Variants in OPCML observed in about 807,000 individuals in gnomAD.
OPCML encodes opioid binding protein/cell adhesion molecule like, also known as opioid-binding protein/cell adhesion molecule.
OPCML carries 13 observed loss-of-function variants against 37.8 expected under a neutral mutation model. That is an observed-to-expected ratio of 0.34 (90% CI 0.22 to 0.55). The LOEUF (loss-of-function observed/expected upper bound fraction) is 0.55. Among genes scored for constraint, OPCML ranks in the 20% least tolerant of loss-of-function variants. The pLI is 0.91. For synonymous variants in OPCML, 176 were observed against 168.8 expected, an observed-to-expected ratio of 1.04 and a Z score of -0.33; for missense variants, 341 against 435.6, an observed-to-expected ratio of 0.78 and a Z score of 1.93.
chr11:132,908,956 C>T (rs933219500), intron 2 of OPCML, among the ~76,000 whole-genome samples: 1 of 152,212 alleles, frequency 6.6e-6, no homozygotes, highest in Non-Finnish European at 1.5e-5. Flanking sequence ...ACCAGAATCA[C>T]AGGTTCCTCA....
At chr11:132,640,511 G>A (rs189144317) in intron 3 of OPCML, among the ~76,000 whole-genome samples, 1 of 152,238 alleles carries the variant, frequency 6.6e-6, no homozygotes, top group African/African-American at 2.4e-5. Flanking sequence ...ACCAAATATT[G>A]TCATTTCTTT....
At chr11:133,124,715 T>TG (rs1949473666) in intron 1 of OPCML, among the ~76,000 whole-genome samples, 1 of 152,128 alleles carries the variant, frequency 6.6e-6, no homozygotes, top group East Asian at 1.9e-4. Flanking sequence ...CATGCACCCT[T>TG]GCAGAACCCA....
chr11:133,476,973 G>A (rs928904277), intron 1 of OPCML, among the ~76,000 whole-genome samples: 4 of 152,250 alleles, frequency 2.6e-5, no homozygotes, highest in African/African-American at 9.6e-5. Context: ...GGGGAGAGGC[G>A]GATAAGACTC....
chr11:133,127,658 A>C (rs1949537756), intron 1 of OPCML, among the ~76,000 whole-genome samples: 1 of 151,980 alleles, frequency 6.6e-6, no homozygotes, highest in Non-Finnish European at 1.5e-5. Context: ...TCATTTATCT[A>C]ATAAATATTT....
At chr11:132,649,928 TACACAC>T (rs61282644) in intron 3 of OPCML, among the ~76,000 whole-genome samples, 26 of 147,776 alleles carry the variant, frequency 1.8e-4, no homozygotes, top group Admixed American at 4.7e-4. Context: ...CACGCACTGT[TACACAC>T]ACACACACAC....
intron 1 of OPCML, among the ~76,000 whole-genome samples, chr11:133,326,241 A>C (rs1263336266): frequency 7.2e-6 from 1 of 139,522 alleles, no homozygotes; most frequent in Non-Finnish European, 1.5e-5. Flanking sequence ...GAAGATGAGG[A>C]GTGTGGGTGT....
At chr11:133,032,993 CTG>C (rs573380601) in intron 1 of OPCML, among the ~76,000 whole-genome samples, 28 of 152,088 alleles carry the variant, frequency 1.8e-4, no homozygotes, top group Non-Finnish European at 3.5e-4. Context: ...TATAATTAGT[CTG>C]TCTTTCTCCC....
intron 1 of OPCML, among the ~76,000 whole-genome samples, chr11:133,436,140 TA>T (rs201787859): frequency 4.6e-5 from 7 of 150,820 alleles, no homozygotes; most frequent in African/African-American, 1.5e-4. Flanking sequence ...TTCTCAAATT[TA>T]AAAAAAAATG....
Position 133,108,163 on chromosome 11 carries a change from T to C in OPCML, c.62-165153A>G, listed in dbSNP as rs1389436369. 2.0e-5 allele frequency among the ~76,000 whole-genome samples: 3 copies of C among 152,214 alleles called. No homozygotes were observed. The South Asian group carries it at 6.2e-4, about 31-fold the overall frequency. ...AAGCCTTGGAAAAGATTTTCTTTTT[T>C]AAATTTTAGAAACAAGGCTGGCTTA... On this transcript the variant is annotated intron_variant, in intron 1 of 7. Coordinates refer to ENST00000524381, the MANE Select transcript of OPCML (RefSeq NM_001012393.5).
chr11:133,114,781 A>T (rs1387810973), intron 1 of OPCML, among the ~76,000 whole-genome samples: 3 of 152,186 alleles, frequency 2.0e-5, no homozygotes, highest in African/African-American at 7.2e-5. Flanking sequence ...ATGAATTAAG[A>T]AGTAGGAGGA....
At chr11:133,112,057 A>G (rs932877535) in intron 1 of OPCML, among the ~76,000 whole-genome samples, 1 of 152,152 alleles carries the variant, frequency 6.6e-6, no homozygotes, top group Admixed American at 6.5e-5. Context: ...CTTAGAAAAT[A>G]TATTGCCAGG....
chr11:132,933,500 C>T (rs568154028), intron 2 of OPCML, among the ~76,000 whole-genome samples: 54 of 152,192 alleles, frequency 3.5e-4, no homozygotes, highest in African/African-American at 1.3e-3. Flanking sequence ...ATGCCAGGCC[C>T]TATGGTTGTA....
At chr11:132,454,459 C>T (rs2096076307) in intron 4 of OPCML, among the ~76,000 whole-genome samples, 2 of 152,210 alleles carry the variant, frequency 1.3e-5, no homozygotes, top group African/African-American at 4.8e-5. Context: ...AATATCTCAT[C>T]AGGAGGCACC....
intron 3 of OPCML, among the ~76,000 whole-genome samples, chr11:132,556,572 C>A (rs2096396147): frequency 6.6e-6 from 1 of 152,150 alleles, no homozygotes; most frequent in African/African-American, 2.4e-5. Context: ...TAGCTTCTGG[C>A]AGCTTGCAGA....
rs1212235528 is a variant in OPCML at position 133,427,697 on chromosome 11, T to A, written c.61+104567A>T. Among the ~76,000 whole-genome samples the A allele has an allele frequency of 2.0e-5, 3 of 152,090 alleles. No individual in the cohort carries two copies. In the South Asian group the frequency reaches 6.2e-4, roughly 32 times the overall value. The stretch of plus-strand genomic sequence containing the variant: ...AAATTAAATAGAAATAGGCAATTTA[T>A]TGGAAAAAAAAACTATCAAGTTTTT... On this transcript the variant is annotated intron_variant, in intron 1 of 7. Coordinates refer to ENST00000524381, the MANE Select transcript of OPCML (RefSeq NM_001012393.5).
intron 2 of OPCML, among the ~76,000 whole-genome samples, chr11:132,878,819 T>C (rs1943121308): frequency 1.3e-5 from 2 of 152,178 alleles, no homozygotes; most frequent in South Asian, 4.1e-4. Flanking sequence ...ACCACAACTT[T>C]TAGATCTGGG....
intron 1 of OPCML, among the ~76,000 whole-genome samples, chr11:132,981,394 T>C (rs1478077752): frequency 6.6e-6 from 1 of 151,892 alleles, no homozygotes; most frequent in Non-Finnish European, 1.5e-5. Flanking sequence ...CGGAGTTCTG[T>C]TGGGATTTGT....
chr11:132,662,412 CA>C (rs57243826), intron 2 of OPCML, among the ~76,000 whole-genome samples: 10,287 of 119,880 alleles, frequency 0.086, 503 homozygotes, highest in African/African-American at 0.18. Context: ...TTTGAAAATG[CA>C]AAAAAAAAAA....
chr11:132,701,941 A>G (rs1402920038), intron 2 of OPCML, among the ~76,000 whole-genome samples: 1 of 152,046 alleles, frequency 6.6e-6, no homozygotes, highest in Non-Finnish European at 1.5e-5. Context: ...TTTCAACCAC[A>G]TACGAAATTC....
Sources: gnomAD v4.1 joint callset for allele counts (sites outside exome capture counted in the v4.1 genomes callset) on GRCh38, gnomAD v4.1.1 for gene constraint, MANE v1.5 for transcripts, NCBI Gene and HGNC (gene_info 2026-07-23, HGNC 2026-07-21) for gene names.